The following USP34 variants were observed in gnomAD, a reference collection of about 807,000 sequenced individuals.
USP34 encodes ubiquitin carboxyl-terminal hydrolase 34.
Under a neutral mutation model 460.3 loss-of-function variants are expected in USP34, and 70 were observed. That is an observed-to-expected ratio of 0.15 (90% CI 0.13 to 0.19). The LOEUF is 0.19. USP34 is among the 10% of genes least tolerant of loss of function. USP34 has a pLI of 1.00. For synonymous variants in USP34, 1,647 were observed against 1,405.3 expected (o/e 1.17, Z -3.85); for missense variants, 3,985 against 4,236.2 (o/e 0.94, Z 1.65).
intron 76 of USP34, among the ~76,000 whole-genome samples, chr2:61,192,493 G>T (rs1686671416): frequency 6.6e-6 from 1 of 152,214 alleles, no homozygotes; most frequent in Admixed American, 6.5e-5. Context: ...AAAAGCTAAA[G>T]GACAGACTGC....
intron 27 of USP34, among the ~76,000 whole-genome samples, chr2:61,304,786 C>G (rs936402005): frequency 2.6e-5 from 4 of 152,164 alleles, no homozygotes; most frequent in African/African-American, 9.7e-5. Context: ...TTAATGTTGA[C>G]TATTATGGCT....
intron 41 of USP34, among the ~76,000 whole-genome samples, chr2:61,270,016 C>T (rs1186080670): frequency 6.6e-6 from 1 of 152,264 alleles, no homozygotes; most frequent in South Asian, 2.1e-4. Context: ...ATTTATTACT[C>T]CAAGTGTATT....
At chr2:61,239,302 A>ACT (rs766733455) in intron 53 of USP34, among the ~76,000 whole-genome samples, 7,965 of 39,876 alleles carry the variant, frequency 0.2, 333 homozygotes, top group African/African-American at 0.28. Context: ...GGGCCCTGTC[A>ACT]CACACACACA....
At chr2:61,193,839 G>C (rs1686713168) in intron 75 of USP34, among the ~76,000 whole-genome samples, 1 of 152,184 alleles carries the variant, frequency 6.6e-6, no homozygotes, top group Admixed American at 6.5e-5. Context: ...AATAGTGTTT[G>C]AGGCTTTGTG....
chr2:61,214,043 G>T lies in USP34; in HGVS notation c.8682+17C>A, dbSNP rs371580398. 2 of 1,613,482 alleles carry T rather than the reference G, an allele frequency of 1.2e-6. No individual in the cohort carries two copies. The highest frequency in any genetic ancestry group is 1.7e-6 in the Non-Finnish European group (2 of 1,179,750). On this transcript the variant is annotated intron_variant, in intron 68 of 79. Coordinates refer to ENST00000398571, the MANE Select transcript of USP34 (RefSeq NM_014709.4). ...TCTATTTGAGGATACAGATAAAAGA[G>T]TATCAATTTTACTCACTCCAGGGTA... is the stretch of plus-strand genomic sequence containing the variant.
chr2:61,259,216 A>G (rs1688805202), intron 44 of USP34, among the ~76,000 whole-genome samples: 1 of 151,974 alleles, frequency 6.6e-6, no homozygotes, highest in Non-Finnish European at 1.5e-5. Flanking sequence ...TTGAGATCAC[A>G]CCACTGCACT....
Position 61,226,921 on chromosome 2 carries a change from G to A in USP34, c.7595+146C>T, listed in dbSNP as rs1321816800. 1.5e-5 allele frequency: 15 copies of A among 1,001,482 alleles called. No individual in the cohort carries two copies. In the Admixed American group the frequency reaches 5.2e-4, roughly 35 times the overall value. The allele number at this position is 1,001,482 out of a possible 1,614,324, so 62.0% of individuals were successfully genotyped here. ...TGATGAATAGTAGTATTATTTAAAA[G>A]GATTTATATAATAAAAGCTAGTGAA... is the stretch of plus-strand genomic sequence containing the variant. On this transcript the variant is annotated intron_variant, in intron 62 of 79. Transcript: ENST00000398571.
chr2:61,383,045 T>C (rs529290143), intron 6 of USP34, among the ~76,000 whole-genome samples: 1 of 152,326 alleles, frequency 6.6e-6, no homozygotes, highest in Admixed American at 6.5e-5. Flanking sequence ...TCTTTAATTC[T>C]TTACATACTC....
At chr2:61,425,607 G>C (rs1694488203) in intron 1 of USP34, among the ~76,000 whole-genome samples, 2 of 152,134 alleles carry the variant, frequency 1.3e-5, no homozygotes, top group Admixed American at 1.3e-4. Flanking sequence ...GTCCCAACTT[G>C]AGTTCCCACC....
intron 53 of USP34, among the ~76,000 whole-genome samples, chr2:61,240,102 T>C (rs1688204646): frequency 6.6e-6 from 1 of 151,514 alleles, no homozygotes; most frequent in South Asian, 2.1e-4. Context: ...CCTAGACAAA[T>C]GCATACAATT....
At chr2:61,284,818 T>C in intron 35 of USP34, 57 bp downstream of exon 35, 3 of 1,382,618 alleles carry the variant, frequency 2.2e-6, no homozygotes, top group Non-Finnish European at 2.9e-6. Context: ...AATAAAGTTT[T>C]AAAACATTAT....
At chr2:61,241,189 G>A (rs773489727) in intron 53 of USP34, among the ~76,000 whole-genome samples, 8 of 151,894 alleles carry the variant, frequency 5.3e-5, no homozygotes, top group Non-Finnish European at 1.0e-4. Context: ...GATTACAGGC[G>A]CCCACCACCA....
chr2:61,403,297 T>C (rs932499098), intron 3 of USP34, among the ~76,000 whole-genome samples: 6 of 152,102 alleles, frequency 3.9e-5, no homozygotes, highest in African/African-American at 1.2e-4. Flanking sequence ...AAAACACTGA[T>C]GAGCAAGTTT....
chr2:61,411,705 G>A (rs1694045319), intron 2 of USP34, among the ~76,000 whole-genome samples: 2 of 152,122 alleles, frequency 1.3e-5, no homozygotes, highest in Admixed American at 1.3e-4. Flanking sequence ...GAAAAAGCCC[G>A]TTTAGCCCCA....
chr2:61,349,423 T>TAA, intron 12 of USP34, 138 bp from the exon 13 acceptor site: 1 of 778,504 alleles, frequency 1.3e-6, no homozygotes, highest in Non-Finnish European at 2.0e-6. Flanking sequence ...CCCCACCACC[T>TAA]ACAGTAGTTG....
intron 48 of USP34, among the ~76,000 whole-genome samples, chr2:61,250,854 G>T (rs1029547528): frequency 2.0e-5 from 3 of 152,070 alleles, no homozygotes; most frequent in African/African-American, 4.8e-5. Flanking sequence ...AATATCTACT[G>T]TAGGCTGGGT....
intron 1 of USP34, among the ~76,000 whole-genome samples, chr2:61,454,769 G>A (rs188682847): frequency 0.01 from 1,554 of 151,048 alleles, 17 homozygotes; most frequent in Non-Finnish European, 0.014. Context: ...GGCTGGTCTC[G>A]AACTCCTGAC....
chr2:61,204,207 A>C, intron 74 of USP34, 49 bp downstream of exon 74: 1 of 1,605,612 alleles, frequency 6.2e-7, no homozygotes, highest in East Asian at 2.2e-5. Flanking sequence ...AAAAATTTCA[A>C]ATTACTTTGT....
chr2:61,330,187 T>G (rs543947054), intron 20 of USP34, among the ~76,000 whole-genome samples: 1 of 152,206 alleles, frequency 6.6e-6, no homozygotes, highest in Non-Finnish European at 1.5e-5. Flanking sequence ...GTTGGACAAG[T>G]TGTCATATCA....
Sources: allele counts gnomAD v4.1 joint callset (sites outside exome capture counted in the v4.1 genomes callset), GRCh38; gene constraint gnomAD v4.1.1; transcripts MANE v1.5; gene names NCBI Gene and HGNC (gene_info 2026-07-23, HGNC 2026-07-21).